Variants in PHF24 observed in about 807,000 individuals in gnomAD.
PHF24 encodes the protein Galpha inhibitory interacting protein.
Under a neutral mutation model 42.6 loss-of-function variants are expected in PHF24, and 25 were observed. The ratio of observed to expected loss-of-function variants is 0.59; its 90% CI spans 0.43 to 0.82. PHF24 has a LOEUF of 0.82. PHF24 is among the 40% of genes least tolerant of loss of function. The pLI is 0.00. For synonymous variants in PHF24, 185 were observed against 204.8 expected (o/e 0.90, Z 0.83); for missense variants, 470 against 538.1 (o/e 0.87, Z 1.25).
the PHF24 span, chr9:34,709,275 C>G: frequency 8.2e-7 from 1 of 1,223,380 alleles, no homozygotes; most frequent in Non-Finnish European, 1.2e-6. Flanking sequence ...TGTGGCAAGG[C>G]CAGCATGGGG....
the PHF24 span, among the ~76,000 whole-genome samples, chr9:34,846,915 T>G: frequency 6.6e-6 from 1 of 152,180 alleles, no homozygotes; most frequent in African/African-American, 2.4e-5. Context: ...GTTGTAGATA[T>G]GCGGCATTAT....
At chr9:34,719,692 G>C in the PHF24 span, among the ~76,000 whole-genome samples, 1 of 152,160 alleles carries the variant, frequency 6.6e-6, no homozygotes, top group Non-Finnish European at 1.5e-5. Flanking sequence ...ATGTATGCAC[G>C]CTAACCCCTG....
the PHF24 span, among the ~76,000 whole-genome samples, chr9:34,886,180 G>T: frequency 6.7e-6 from 1 of 149,412 alleles, no homozygotes; most frequent in African/African-American, 2.5e-5. Context: ...TTCTCCCCTT[G>T]CTGTCTTGCT....
chr9:34,881,240 G>A, the PHF24 span, among the ~76,000 whole-genome samples: 16 of 152,114 alleles, frequency 1.1e-4, no homozygotes, highest in Admixed American at 7.2e-4. Context: ...AGCACTAAAT[G>A]CCCACAAGAG....
the PHF24 span, among the ~76,000 whole-genome samples, chr9:34,817,571 A>C: frequency 2.0e-5 from 3 of 152,034 alleles, no homozygotes; most frequent in Non-Finnish European, 1.5e-5. Flanking sequence ...AAATTACTTA[A>C]TGAGTTTTGA....
chr9:34,893,000 C>G, the PHF24 span: 4 of 779,586 alleles, frequency 5.1e-6, no homozygotes, highest in Non-Finnish European at 8.7e-6. Context: ...GCAAGAGGAG[C>G]CCTGTGATGG....
chr9:34,850,707 G>A, the PHF24 span, among the ~76,000 whole-genome samples: 35 of 152,250 alleles, frequency 2.3e-4, no homozygotes, highest in African/African-American at 8.2e-4. Context: ...TTTCTGCTCC[G>A]ATTTTTCCCC....
At chr9:34,895,571 T>A in the PHF24 span, 1 of 398,692 alleles carries the variant, frequency 2.5e-6, no homozygotes, top group Non-Finnish European at 4.4e-6. Context: ...GTCATAGTGT[T>A]TCCCTACCCG....
chr9:34,972,652 A>C, intron 3 of PHF24, 121 bp downstream of exon 3: 2 of 887,636 alleles, frequency 2.3e-6, no homozygotes, highest in Non-Finnish European at 3.3e-6. Context: ...GCGGTGGCTC[A>C]TGCCTGTAAT....
the PHF24 span, among the ~76,000 whole-genome samples, chr9:34,811,128 A>C: frequency 6.6e-6 from 1 of 152,192 alleles, no homozygotes; most frequent in Non-Finnish European, 1.5e-5. Context: ...CCCCTTCTAA[A>C]ATGAGATTTA....
the PHF24 span, chr9:34,678,399 T>C: frequency 6.7e-6 from 1 of 149,606 alleles, no homozygotes; most frequent in East Asian, 2.0e-4. Flanking sequence ...AATGGCGCAG[T>C]ATCGCTCACT....
intron 1 of PHF24, among the ~76,000 whole-genome samples, chr9:34,963,258 GTTTT>G (rs55701555): frequency 2.6e-5 from 3 of 117,112 alleles, no homozygotes; most frequent in Admixed American, 8.7e-5. Context: ...CTTTTTGATG[GTTTT>G]TTTTTTTTTT....
chr9:34,952,355 A>G, the PHF24 span, among the ~76,000 whole-genome samples: 1 of 152,216 alleles, frequency 6.6e-6, no homozygotes, highest in Admixed American at 6.5e-5. Flanking sequence ...TAAAACACCA[A>G]TAAAAGAAAT....
At chr9:34,809,080 A>C in the PHF24 span, among the ~76,000 whole-genome samples, 1 of 151,696 alleles carries the variant, frequency 6.6e-6, no homozygotes, top group Non-Finnish European at 1.5e-5. The surrounding 1 kb of genome is among the most constrained non-coding windows in gnomAD (Gnocchi z 4.1). Context: ...TTTAAAAACC[A>C]TAGTAAATAC....
chr9:34,917,398 C>T, the PHF24 span: 1 of 770,428 alleles, frequency 1.3e-6, no homozygotes, highest in Non-Finnish European at 2.4e-6. Context: ...AAGGCTCCAA[C>T]AGTGACATGT....
At chr9:34,850,725 T>C in the PHF24 span, among the ~76,000 whole-genome samples, 46 of 152,300 alleles carry the variant, frequency 3.0e-4, 1 homozygote, top group East Asian at 8.9e-3. Context: ...CCCATCTTTG[T>C]GGTTTTATCT....
At chr9:34,685,066 T>A in the PHF24 span, among the ~76,000 whole-genome samples, 1 of 152,048 alleles carries the variant, frequency 6.6e-6, no homozygotes, top group African/African-American at 2.4e-5. Flanking sequence ...ATGGGCCTTT[T>A]GAGAGTTGAT....
chr9:34,928,955 C>T, the PHF24 span, among the ~76,000 whole-genome samples: 6 of 152,306 alleles, frequency 3.9e-5, no homozygotes, highest in East Asian at 1.9e-4. Flanking sequence ...ACTTTTGAAT[C>T]GCTTCTAGAT....
At chr9:34,911,300 G>A in the PHF24 span, among the ~76,000 whole-genome samples, 54 of 151,848 alleles carry the variant, frequency 3.6e-4, no homozygotes, top group African/African-American at 1.1e-3. Context: ...TGTCACCCAG[G>A]CTAGAGTGCA....
Sources: gnomAD v4.1 joint callset for allele counts (sites outside exome capture counted in the v4.1 genomes callset) on GRCh38, gnomAD v4.1.1 for gene constraint, Gnocchi (gnomAD v3.1) non-coding constraint, MANE v1.5 for transcripts, NCBI Gene and HGNC (gene_info 2026-07-23, HGNC 2026-07-21) for gene names.